Variants in NFATC3 observed in about 807,000 individuals in gnomAD.
The protein encoded by NFATC3 is nuclear factor of activated T-cells, cytoplasmic 3.
In NFATC3, 46 loss-of-function variants were observed where a neutral mutation model predicts 98.6. The observed-to-expected ratio is 0.47, with a 90% CI of 0.37 to 0.60. The LOEUF is 0.60. Among genes scored for constraint, NFATC3 ranks in the 20% least tolerant of loss-of-function variants. The pLI is 0.00. For missense variants in NFATC3, 1,256 were observed against 1,295.5 expected, an observed-to-expected ratio of 0.97 and a Z score of 0.47; for synonymous variants, 512 against 472.2, an observed-to-expected ratio of 1.08 and a Z score of -1.09.
chr16:68,182,348 AG>A (rs1342866031), intron 7 of NFATC3, among the ~76,000 whole-genome samples: 1 of 152,210 alleles, frequency 6.6e-6, no homozygotes, highest in East Asian at 1.9e-4. Flanking sequence ...TTTCTGGGCT[AG>A]GGAATACCAC....
chr16:68,169,275 A>C (rs978929075), intron 5 of NFATC3, among the ~76,000 whole-genome samples: 25 of 152,048 alleles, frequency 1.6e-4, no homozygotes, highest in African/African-American at 5.3e-4. Context: ...TAAAGTTATT[A>C]ATTCATTTAT....
intron 3 of NFATC3, 30 bp downstream of exon 3, chr16:68,126,640 A>G (rs755360913): frequency 6.2e-7 from 1 of 1,610,746 alleles, no homozygotes; most frequent in Non-Finnish European, 8.5e-7. Context: ...TGTTTTGCAG[A>G]TACCATACAC....
intron 3 of NFATC3, among the ~76,000 whole-genome samples, chr16:68,141,327 G>C (rs1260924348): frequency 6.6e-6 from 1 of 152,198 alleles, no homozygotes; most frequent in East Asian, 1.9e-4. Flanking sequence ...ATACCTGGTA[G>C]TGGGATGGTC....
chr16:68,202,906 A>G (rs950996936), intron 9 of NFATC3, among the ~76,000 whole-genome samples: 3 of 152,224 alleles, frequency 2.0e-5, no homozygotes, highest in Non-Finnish European at 2.9e-5. Flanking sequence ...TCTATGAGGT[A>G]TAATCACTAT....
At chr16:68,175,381 C>G (rs1200362834) in intron 6 of NFATC3, among the ~76,000 whole-genome samples, 1 of 152,136 alleles carries the variant, frequency 6.6e-6, no homozygotes, top group Non-Finnish European at 1.5e-5. Context: ...TCCCCCAACC[C>G]TCTGAGTAGT....
intron 7 of NFATC3, among the ~76,000 whole-genome samples, chr16:68,183,012 C>G (rs959518663): frequency 3.9e-5 from 6 of 152,118 alleles, no homozygotes; most frequent in African/African-American, 1.4e-4. Context: ...CAACCAGAAA[C>G]CCAATTGGGT....
intron 1 of NFATC3, among the ~76,000 whole-genome samples, chr16:68,108,216 C>T (rs145681744): frequency 1.3e-5 from 2 of 152,252 alleles, no homozygotes; most frequent in Non-Finnish European, 2.9e-5. Context: ...TGGGGTTTTA[C>T]ATTGAAGTCT....
chr16:68,180,670 G>A (rs1277795602), intron 6 of NFATC3, among the ~76,000 whole-genome samples: 1 of 151,964 alleles, frequency 6.6e-6, no homozygotes, highest in Non-Finnish European at 1.5e-5. Flanking sequence ...CCCACGACAG[G>A]CCCCAGTGTG....
chr16:68,168,567 C>T (rs2039322294), intron 5 of NFATC3, among the ~76,000 whole-genome samples: 1 of 151,988 alleles, frequency 6.6e-6, no homozygotes, highest in Non-Finnish European at 1.5e-5. Context: ...CTCACTGCAA[C>T]CTCCACCTCC....
At chr16:68,109,602 G>A (rs1230300496) in intron 1 of NFATC3, among the ~76,000 whole-genome samples, 2 of 152,170 alleles carry the variant, frequency 1.3e-5, no homozygotes, top group Non-Finnish European at 2.9e-5. Flanking sequence ...ATGAGTTAGG[G>A]AGTAGTCCTT....
At chr16:68,105,636 C>T (rs1267141997) in intron 1 of NFATC3, among the ~76,000 whole-genome samples, 1 of 152,076 alleles carries the variant, frequency 6.6e-6, no homozygotes, top group Non-Finnish European at 1.5e-5. Context: ...AGGAAGCATT[C>T]CCTCTATTTT....
At chr16:68,181,615 CTT>C (rs2039952156) in intron 7 of NFATC3, 85 bp downstream of exon 7, 1 of 1,013,946 alleles carries the variant, frequency 9.9e-7, no homozygotes, top group Admixed American at 2.0e-5. Flanking sequence ...ATGGATGACT[CTT>C]TTGTATATTG....
Position 68,229,116 on chromosome 16 carries a change from A to G in NFATC3, c.*2645A>G, listed in dbSNP as rs1771265637. 6.6e-6 allele frequency: 1 copy of G among 152,222 alleles called. No individual in the cohort carries two copies. The highest frequency in any genetic ancestry group is 2.1e-4 in the South Asian group (1 of 4,834). 9.4% of individuals were successfully genotyped at this position (152,222 alleles called of 1,614,324 possible). On this transcript the variant is annotated 3_prime_UTR_variant, in exon 10 of 10. Transcript: ENST00000346183. ...CTCAGTTATGTTTACAGCACTTGGA[A>G]TTGTGTGTTCTTGTACATTTTGTAT...
intron 3 of NFATC3, among the ~76,000 whole-genome samples, chr16:68,130,791 C>G (rs1240766717): frequency 6.6e-6 from 1 of 151,988 alleles, no homozygotes; most frequent in Non-Finnish European, 1.5e-5. Context: ...AAATTTAAGT[C>G]TTTAATCCAT....
Position 68,191,108 on chromosome 16 carries a change from A to T in NFATC3, c.2439A>T (p.Gly813=). Residue 813 remains glycine, a synonymous_variant, in exon 9 of 10, where the codon GGA becomes GGT. Coordinates refer to ENST00000346183, the MANE Select transcript of NFATC3 (RefSeq NM_173165.3). ...TGCAAACTAATGTTGTGTACAATGGACCAACTTGTCTTCCTATTAATGCTG... is the reference window on the plus strand; with the variant it reads ...TGCAAACTAATGTTGTGTACAATGGTCCAACTTGTCTTCCTATTAATGCTG... ...QPMQTNVVYN[G]PTCLPINAAS... The T allele has an allele frequency of 6.2e-7, 1 of 1,614,206 alleles. No individual in the cohort carries two copies.
intron 9 of NFATC3, among the ~76,000 whole-genome samples, chr16:68,209,957 A>G (rs987031510): frequency 1.3e-5 from 2 of 148,870 alleles, no homozygotes; most frequent in Non-Finnish European, 3.0e-5. Context: ...CTCGAGCCCA[A>G]GAGTTCAAGA....
chr16:68,159,066 T>C (rs542264222), intron 4 of NFATC3, among the ~76,000 whole-genome samples: 43 of 152,286 alleles, frequency 2.8e-4, no homozygotes, highest in African/African-American at 9.1e-4. Flanking sequence ...ACCTTGTCTC[T>C]ACTAAAATTA....
Position 68,229,247 on chromosome 16 carries a change from C to T in NFATC3, c.*2776C>T, listed in dbSNP as rs749564922. On this transcript the variant is annotated 3_prime_UTR_variant, in exon 10 of 10. Coordinates refer to ENST00000346183, the MANE Select transcript of NFATC3 (RefSeq NM_173165.3). ...TTAGTGCTGAAATAATAAACAGTGA[C>T]AGGTCAACAGTATCCTTAATCTGTC... is the stretch of plus-strand genomic sequence containing the variant. The T allele has an allele frequency of 6.6e-6, 1 of 152,248 alleles. No homozygotes were observed. Among genetic ancestry groups the T allele is most frequent in the Non-Finnish European group, 1.5e-5 (1 of 68,050 alleles). The allele number at this position is 152,248 out of a possible 1,614,324, so 9.4% of individuals were successfully genotyped here.
At chr16:68,130,227 A>G (rs1213517926) in intron 3 of NFATC3, among the ~76,000 whole-genome samples, 3 of 152,164 alleles carry the variant, frequency 2.0e-5, no homozygotes, top group Non-Finnish European at 4.4e-5. Context: ...AGTAACCTCC[A>G]TACTGTTTTC....
Sources: allele counts gnomAD v4.1 joint callset (sites outside exome capture counted in the v4.1 genomes callset), GRCh38; gene constraint gnomAD v4.1.1; transcripts MANE v1.5; gene names NCBI Gene and HGNC (gene_info 2026-07-23, HGNC 2026-07-21).